Variants in RGR observed in about 807,000 individuals in gnomAD.
The protein encoded by RGR is retinal G protein coupled receptor, also known as RPE-retinal G protein-coupled receptor.
Under a neutral mutation model 28.6 loss-of-function variants are expected in RGR, and 30 were observed. That is an observed-to-expected ratio of 1.05 (90% CI 0.78 to 1.42). The LOEUF (loss-of-function observed/expected upper bound fraction) is 1.42, where lower values mean the gene tolerates loss of function less well. Among genes scored for constraint, RGR ranks in the 40% most tolerant of loss-of-function variants. RGR has a pLI of 0.00. For synonymous variants in RGR, 180 were observed against 156.4 expected (o/e 1.15, Z -1.13); for missense variants, 404 against 375.6 (o/e 1.08, Z -0.62).
At chr10:84,249,107 G>C in intron 3 of RGR, 64 bp downstream of exon 3, 1 of 1,602,218 alleles carries the variant, frequency 6.2e-7, no homozygotes. Context: ...AAGAGGCAGG[G>C]AGGGGCAGTC....
intron 2 of RGR, 43 bp from the exon 3 acceptor site, chr10:84,248,879 A>G: frequency 6.2e-7 from 1 of 1,614,190 alleles, no homozygotes; most frequent in Non-Finnish European, 8.5e-7. Context: ...GGGAGGTGGA[A>G]AGGATCGGAG....
At chr10:84,245,653 A>T (rs767970703) in intron 1 of RGR, among the ~76,000 whole-genome samples, 1 of 152,154 alleles carries the variant, frequency 6.6e-6, no homozygotes, top group Non-Finnish European at 1.5e-5. Context: ...GGTGGTTGTA[A>T]AGATTAAATG....
chr10:84,248,294 GTCTAATAC>G (rs2132877929), intron 2 of RGR: 1 of 720,548 alleles, frequency 1.4e-6, no homozygotes, highest in Non-Finnish European at 1.9e-6. Context: ...ACTAGCTAGT[GTCTAATAC>G]CTCCTTATAC....
chr10:84,258,675 C>A lies in RGR; in HGVS notation c.*36C>A. The A allele has an allele frequency of 6.2e-7, 1 of 1,613,388 alleles. No individual in the cohort carries two copies. Among genetic ancestry groups the A allele is most frequent in the Non-Finnish European group, 8.5e-7 (1 of 1,179,764 alleles). On this transcript the variant is annotated 3_prime_UTR_variant, in exon 7 of 7. Transcript: ENST00000652092. ...CTGGAGTGAGCCCCAGGCCAGGAGG[C>A]TGTTCCAGGAGTCCTGCCCAGCAGC...
Position 84,258,659 on chromosome 10 carries a change from GCCC to G in RGR, c.*22_*24del. The G allele has an allele frequency of 6.2e-7, 1 of 1,613,874 alleles. No individual in the cohort carries two copies. The highest frequency in any genetic ancestry group is 8.5e-7 in the Non-Finnish European group (1 of 1,179,914). ...AAGTGAGCCTGCCACCCTGGAGTGA[GCCC>G]CAGGCCAGGAGGCTGTTCCAGGAGT... On this transcript the variant is annotated 3_prime_UTR_variant, in exon 7 of 7. Transcript: ENST00000652092.
rs558206811 is a variant in RGR at position 84,259,682 on chromosome 10, A to G, written c.*1043A>G. On this transcript the variant is annotated 3_prime_UTR_variant, in exon 7 of 7. Transcript: ENST00000652092. The stretch of plus-strand genomic sequence containing the variant: ...TTTCATATGCTTCTTAGCCACGTGT[A>G]TGTATTCTTTTTGAAAAAATGTTTA... 8 of 151,964 alleles carry G rather than the reference A, an allele frequency of 5.3e-5. No individual in the cohort carries two copies. Among genetic ancestry groups the G allele is most frequent in the Non-Finnish European group, 1.0e-4 (7 of 68,004 alleles). The allele number at this position is 151,964 out of a possible 1,614,324, so 9.4% of individuals were successfully genotyped here. A position where few individuals can be genotyped will look rare whatever the true frequency, so the allele number is the denominator to read the frequency against.
chr10:84,258,104 C>CTCTTCCTTTCTGTGTT, intron 6 of RGR, 98 bp downstream of exon 6: 1 of 1,079,196 alleles, frequency 9.3e-7, no homozygotes, highest in East Asian at 2.5e-5. Flanking sequence ...CTGTGTCAGT[C>CTCTTCCTTTCTGTGTT]TCTTCCTTTC....
Position 84,254,401 on chromosome 10 carries a change from C to T in RGR, c.588C>T (p.Tyr196=), listed in dbSNP as rs1842857138. The T allele has an allele frequency of 1.9e-6, 3 of 1,614,192 alleles. No individual in the cohort carries two copies. The highest frequency in any genetic ancestry group is 2.5e-6 in the Non-Finnish European group (3 of 1,180,030). Residue 196 remains tyrosine, a synonymous_variant, in exon 5 of 7, where the codon TAC becomes TAT. Coordinates refer to ENST00000652092, the MANE Select transcript of RGR (RefSeq NM_001012720.2). ...AMPLFITITS[Y]SLMEQKLGKS... ...CCCTCTTCATCACGATCACTTCCTACAGTCTCATGGAGCAGAAACTGGGGA... is the reference window on the plus strand; with the variant it reads ...CCCTCTTCATCACGATCACTTCCTATAGTCTCATGGAGCAGAAACTGGGGA...
In RGR at chr10:84,254,377, C is replaced by G. The variant is rs759224850; in HGVS notation, c.564C>G (p.Pro188=). The G allele has an allele frequency of 6.2e-7, 1 of 1,614,172 alleles. No individual in the cohort carries two copies. The highest frequency in any genetic ancestry group is 8.5e-7 in the Non-Finnish European group (1 of 1,180,036). Residue 188 remains proline (P), a synonymous_variant, in exon 5 of 7, where the codon CCC becomes CCG. Transcript: ENST00000652092. The part of the protein sequence containing the change: ...FTMSFFNFAM[P]LFITITSYSL... ...TGTCCTTCTTCAACTTCGCCATGCC[C>G]CTCTTCATCACGATCACTTCCTACA...
intron 5 of RGR, among the ~76,000 whole-genome samples, chr10:84,256,926 C>T (rs1424803557): frequency 2.6e-5 from 4 of 152,008 alleles, no homozygotes; most frequent in Non-Finnish European, 5.9e-5. Context: ...GGGGATTCCA[C>T]GTCTTAGGGC....
chr10:84,253,595 C>A (rs1842846760), intron 4 of RGR, among the ~76,000 whole-genome samples: 1 of 152,172 alleles, frequency 6.6e-6, no homozygotes, highest in Admixed American at 6.5e-5. Flanking sequence ...GAGGAATGGT[C>A]ACATGGGCTC....
In RGR at chr10:84,252,880, G is replaced by A. The variant is rs1046323422; in HGVS notation, c.382G>A (p.Ala128Thr). ...AGGTAGCCAGCTGGCCTGGAACTCA[G>A]CCGTCTCTCTGGTGCTCTTCGTGTG... Reference protein sequence around the residue: ...CTRSQLAWNSAVSLVLFVWLS... With the variant: ...CTRSQLAWNSTVSLVLFVWLS... Residue 128 changes from alanine to threonine, a missense_variant, in exon 4 of 7, where the codon GCC (alanine) becomes ACC (threonine). Coordinates refer to ENST00000652092, the MANE Select transcript of RGR (RefSeq NM_001012720.2). 1 of 1,613,978 alleles carries A rather than the reference G, an allele frequency of 6.2e-7. No individual in the cohort carries two copies. The highest frequency in any genetic ancestry group is 1.3e-5 in the African/African-American group (1 of 74,918).
chr10:84,248,795 C>A, intron 2 of RGR, 127 bp from the exon 3 acceptor site: 1 of 1,561,768 alleles, frequency 6.4e-7, no homozygotes, highest in Non-Finnish European at 8.8e-7. Flanking sequence ...GGAAAGACAC[C>A]AATATTAAGG....
chr10:84,253,952 TC>T (rs1223853200), intron 4 of RGR, among the ~76,000 whole-genome samples: 2 of 152,224 alleles, frequency 1.3e-5, no homozygotes, highest in Admixed American at 6.5e-5. Context: ...CAGTATCCAG[TC>T]TTCTTGTTAT....
chr10:84,258,713 G>A lies in RGR; in HGVS notation c.*74G>A. ...CCTGCCCAGCAGCCTCAGTGGCCAA[G>A]CCCAGACACTCACCCACCTTCCCCA... On this transcript the variant is annotated 3_prime_UTR_variant, in exon 7 of 7. Coordinates refer to ENST00000652092, the MANE Select transcript of RGR (RefSeq NM_001012720.2). 6.2e-7 allele frequency: 1 copy of A among 1,603,496 alleles called. No individual in the cohort carries two copies.
Position 84,252,933 on chromosome 10 carries a change from G to GC in RGR, c.439dup (p.Leu147ProfsTer10). 1 of 1,614,086 alleles carries GC rather than the reference G, an allele frequency of 6.2e-7. No homozygotes were observed. Among genetic ancestry groups the GC allele is most frequent in the South Asian group, 1.1e-5 (1 of 91,078 alleles). On this transcript the variant is annotated frameshift_variant, in exon 4 of 7. Coordinates refer to ENST00000652092, the MANE Select transcript of RGR (RefSeq NM_001012720.2). LOFTEE classifies it high-confidence loss of function. ...TGTCTTCTGCCTTCTGGGCAGCTCT[G>GC]CCCCTTCTGGGTTGGGGTCACTACG... is the stretch of plus-strand genomic sequence containing the variant.
chr10:84,252,568 A>C (rs1842831734), intron 3 of RGR, among the ~76,000 whole-genome samples: 1 of 152,168 alleles, frequency 6.6e-6, no homozygotes, highest in South Asian at 2.1e-4. Flanking sequence ...GAAGCTCTTC[A>C]CTTGCCTGAG....
rs116758425 is a variant in RGR, at chr10:84,254,874, T to A, written c.630+431T>A. On this transcript the variant is annotated intron_variant, in intron 5 of 6. Coordinates refer to ENST00000652092, the MANE Select transcript of RGR (RefSeq NM_001012720.2). ...TTATCATACGGGGTCATTTTAAGGATACTTTTTCTCTCTAATGCACATGCG... is the reference window on the plus strand; with the variant it reads ...TTATCATACGGGGTCATTTTAAGGAAACTTTTTCTCTCTAATGCACATGCG... Among the ~76,000 whole-genome samples the A allele has an allele frequency of 4.2e-3, 641 of 152,350 alleles. 7 individuals carry two copies. The highest frequency in any genetic ancestry group is 0.015 in the African/African-American group (617 of 41,580).
In RGR at chr10:84,254,872, G is replaced by A. The variant is rs187694630; in HGVS notation, c.630+429G>A. On this transcript the variant is annotated intron_variant, in intron 5 of 6. Transcript: ENST00000652092. ...TATTATCATACGGGGTCATTTTAAGGATACTTTTTCTCTCTAATGCACATG... is the reference window on the plus strand; with the variant it reads ...TATTATCATACGGGGTCATTTTAAGAATACTTTTTCTCTCTAATGCACATG... Among the ~76,000 whole-genome samples the A allele has an allele frequency of 3.1e-4, 47 of 152,224 alleles. 1 individual carries two copies. The highest frequency in any genetic ancestry group is 2.6e-3 in the Admixed American group (40 of 15,292).
Sources: gnomAD v4.1 joint callset for allele counts (sites outside exome capture counted in the v4.1 genomes callset) on GRCh38, gnomAD v4.1.1 for gene constraint, MANE v1.5 for transcripts, NCBI Gene and HGNC (gene_info 2026-07-23, HGNC 2026-07-21) for gene names.